Variants in ADGRL2 observed in about 807,000 individuals in gnomAD.
The protein encoded by ADGRL2 is adhesion G protein-coupled receptor L2.
In ADGRL2, 44 loss-of-function variants were observed where a neutral mutation model predicts 157.4. The observed-to-expected ratio is 0.28, with a 90% CI of 0.22 to 0.36. ADGRL2 has a LOEUF of 0.36. ADGRL2 is among the 10% of genes least tolerant of loss of function. ADGRL2 has a pLI of 1.00. For missense variants in ADGRL2, 1,510 were observed against 1,768.9 expected (o/e 0.85, Z 2.63); for synonymous variants, 585 against 624.7 (o/e 0.94, Z 0.95).
intron 2 of ADGRL2, among the ~76,000 whole-genome samples, chr1:81,501,440 G>A (rs2078844189): frequency 6.6e-6 from 1 of 152,232 alleles, no homozygotes; most frequent in Non-Finnish European, 1.5e-5. Flanking sequence ...TAGAGCTGCT[G>A]TGACTTGAAA....
chr1:81,381,414 GA>G (rs1264846486), intron 1 of ADGRL2, among the ~76,000 whole-genome samples: 1 of 152,020 alleles, frequency 6.6e-6, no homozygotes, highest in Non-Finnish European at 1.5e-5. Context: ...CCTTGTTTAA[GA>G]AATAGCCTAT....
intron 1 of ADGRL2, among the ~76,000 whole-genome samples, chr1:81,827,043 G>C (rs1471461260): frequency 6.6e-6 from 1 of 152,074 alleles, no homozygotes; most frequent in East Asian, 1.9e-4. Context: ...AATATTTACT[G>C]TAATAATAAC....
upstream of ADGRL2, among the ~76,000 whole-genome samples, chr1:81,696,741 G>T (rs960251871): frequency 6.6e-6 from 1 of 152,020 alleles, no homozygotes; most frequent in African/African-American, 2.4e-5. Flanking sequence ...GACAGAGCGA[G>T]ACTCCATCTC....
At chr1:81,677,558 T>A (rs2083022891) in intron 3 of ADGRL2, among the ~76,000 whole-genome samples, 1 of 152,220 alleles carries the variant, frequency 6.6e-6, no homozygotes, top group African/African-American at 2.4e-5. Flanking sequence ...CTGTTCAAGT[T>A]GACCTCTGTC....
chr1:81,357,614 CTTA>C (rs1663412093), intron 1 of ADGRL2, among the ~76,000 whole-genome samples: 1 of 152,060 alleles, frequency 6.6e-6, no homozygotes, highest in South Asian at 2.1e-4. Context: ...TCAGAAATTC[CTTA>C]TTATTTAATC....
chr1:81,540,902 G>A (rs2079867204), intron 2 of ADGRL2, among the ~76,000 whole-genome samples: 1 of 151,872 alleles, frequency 6.6e-6, no homozygotes, highest in Non-Finnish European at 1.5e-5. Flanking sequence ...AGACAAAGGG[G>A]TGGTAATAAG....
At chr1:81,427,350 G>A (rs1263569115) in intron 1 of ADGRL2, 3 of 730,690 alleles carry the variant, frequency 4.1e-6, no homozygotes, top group Non-Finnish European at 7.5e-6. Context: ...GGGGGCTATG[G>A]TGGTGGCGGA....
rs544093940 is a variant in ADGRL2 at position 81,731,593 on chromosome 1, A to C, written c.-142-30218A>C. The stretch of plus-strand genomic sequence containing the variant: ...GCAAATTTTCTTTTTTGGTAATTGC[A>C]GTTACTTCCGTATTTCACAGATGTG... On this transcript the variant is annotated intron_variant, in intron 1 of 20. Coordinates refer to the ADGRL2 transcript ENST00000359929. Among the ~76,000 whole-genome samples the C allele has an allele frequency of 2.0e-4, 31 of 152,136 alleles. 1 individual carries two copies. In the South Asian group the frequency reaches 6.4e-3, roughly 32 times the overall value.
At chr1:81,593,619 C>T (rs992561393) in intron 3 of ADGRL2, among the ~76,000 whole-genome samples, 2 of 152,124 alleles carry the variant, frequency 1.3e-5, no homozygotes, top group African/African-American at 4.8e-5. Flanking sequence ...GTTTTGGGCT[C>T]TATTACCTCT....
chr1:81,909,048 G>C (rs2094649471), intron 3 of ADGRL2, among the ~76,000 whole-genome samples: 1 of 151,644 alleles, frequency 6.6e-6, no homozygotes, highest in African/African-American at 2.4e-5. Flanking sequence ...CTAATTTTTT[G>C]TATTTTTAGT....
At chr1:81,928,247 A>T (rs1046904744) in intron 3 of ADGRL2, among the ~76,000 whole-genome samples, 14 of 152,242 alleles carry the variant, frequency 9.2e-5, no homozygotes, top group Admixed American at 9.2e-4. Context: ...CCTTTTAAAT[A>T]GGTAATCTAT....
chr1:81,349,335 T>G (rs549110661), intron 1 of ADGRL2, among the ~76,000 whole-genome samples: 27 of 152,302 alleles, frequency 1.8e-4, no homozygotes, highest in Admixed American at 1.4e-3. Context: ...TATATGGTGT[T>G]CAGTCACAAG....
At chr1:81,968,276 T>G in intron 14 of ADGRL2, 77 bp downstream of exon 14, 2 of 1,217,746 alleles carry the variant, frequency 1.6e-6, no homozygotes, top group Non-Finnish European at 2.4e-6. Flanking sequence ...AGTCCCATTC[T>G]TTGGGTGCTT....
At chr1:81,466,668 C>G (rs780703225) in intron 2 of ADGRL2, among the ~76,000 whole-genome samples, 2 of 60,608 alleles carry the variant, frequency 3.3e-5, no homozygotes, top group Non-Finnish European at 7.7e-5. Context: ...ATCTCTCTCT[C>G]TCACGCGCGC....
chr1:81,469,244 CT>C (rs1208022333), intron 2 of ADGRL2, among the ~76,000 whole-genome samples: 1 of 152,132 alleles, frequency 6.6e-6, no homozygotes, highest in African/African-American at 2.4e-5. Flanking sequence ...TCTGTAAATG[CT>C]TTCTGCCTCT....
chr1:81,726,067 CAGAA>C (rs2084518784), intron 1 of ADGRL2, among the ~76,000 whole-genome samples: 1 of 152,204 alleles, frequency 6.6e-6, no homozygotes, highest in South Asian at 2.1e-4. Context: ...TTCATGATCT[CAGAA>C]AGCATCTCAA....
intron 3 of ADGRL2, among the ~76,000 whole-genome samples, chr1:81,681,255 G>T (rs764709465): frequency 6.6e-6 from 1 of 152,224 alleles, no homozygotes; most frequent in African/African-American, 2.4e-5. Context: ...GGGATGGAGG[G>T]CAAAGGAAGC....
intron 1 of ADGRL2, among the ~76,000 whole-genome samples, chr1:81,389,629 A>G (rs1193309042): frequency 6.6e-6 from 1 of 152,212 alleles, no homozygotes; most frequent in East Asian, 1.9e-4. Context: ...AATGCGTCCC[A>G]TGTATCATTT....
intron 2 of ADGRL2, chr1:81,557,505 G>GAA: frequency 1.0e-5 from 1 of 98,126 alleles, no homozygotes; most frequent in Non-Finnish European, 2.1e-5. Context: ...AAGAAAGAAA[G>GAA]AAAGAAAGAA....
Sources: gnomAD v4.1 joint callset for allele counts (sites outside exome capture counted in the v4.1 genomes callset) on GRCh38, gnomAD v4.1.1 for gene constraint, MANE v1.5 for transcripts, NCBI Gene and HGNC (gene_info 2026-07-23, HGNC 2026-07-21) for gene names.